Variants in P2RX3 observed in about 807,000 individuals in gnomAD.
P2RX3 encodes the protein purinergic receptor P2X 3.
Under a neutral mutation model 51.5 loss-of-function variants are expected in P2RX3, and 41 were observed. The ratio of observed to expected loss-of-function variants is 0.80; its 90% CI spans 0.62 to 1.03. The LOEUF (loss-of-function observed/expected upper bound fraction) is 1.03. P2RX3 is among the 50% of genes least tolerant of loss of function. The pLI is 0.00. For synonymous variants in P2RX3, 185 were observed against 191.6 expected (o/e 0.97, Z 0.29); for missense variants, 459 against 522.1 (o/e 0.88, Z 1.18).
chr11:57,357,600 A>G (rs1241531044), intron 8 of P2RX3, among the ~76,000 whole-genome samples: 1 of 151,880 alleles, frequency 6.6e-6, no homozygotes. Flanking sequence ...AGGTCCATTG[A>G]TCTTTCCCTA....
intron 8 of P2RX3, among the ~76,000 whole-genome samples, chr11:57,355,334 C>CTTTTTTT (rs1201675322): frequency 3.4e-5 from 4 of 117,342 alleles, no homozygotes; most frequent in Non-Finnish European, 5.4e-5. Flanking sequence ...TATTTTATTT[C>CTTTTTTT]TTTTTTTTTT....
In P2RX3 at chr11:57,347,032, G is replaced by C; in HGVS notation, c.256-84G>C. 3 of 1,370,286 alleles carry C rather than the reference G, an allele frequency of 2.2e-6. No individual in the cohort carries two copies. The South Asian group carries it at 3.7e-5, about 17-fold the overall frequency. The allele number at this position is 1,370,286 out of a possible 1,614,324, so 84.9% of individuals were successfully genotyped here. On this transcript the variant is annotated intron_variant, in intron 2 of 11. Coordinates refer to ENST00000263314, the MANE Select transcript of P2RX3 (RefSeq NM_002559.5). Reference sequence around the variant, plus strand: ...GACACAAGCCTTGCTTTCCTCATCTGTAGAGTGGGGATAATCAGTTATAGT... The same window carrying C: ...GACACAAGCCTTGCTTTCCTCATCTCTAGAGTGGGGATAATCAGTTATAGT...
rs1249814199 is a variant in P2RX3 at position 57,371,622 on chromosome 11, C to G, written c.*1625C>G. Among the ~76,000 whole-genome samples the G allele has an allele frequency of 6.6e-6, 1 of 152,198 alleles. No individual in the cohort carries two copies. The highest frequency in any genetic ancestry group is 2.4e-5 in the African/African-American group (1 of 41,440). The stretch of plus-strand genomic sequence containing the variant: ...GGTAAGACCCACCCCACATAAAGCT[C>G]AACACCCCTTCCCTCACTCTGCCCT... On this transcript the variant is annotated 3_prime_UTR_variant, in exon 12 of 12. Coordinates refer to ENST00000263314, the MANE Select transcript of P2RX3 (RefSeq NM_002559.5).
In P2RX3 at chr11:57,369,910, G is replaced by A. The variant is rs780577495; in HGVS notation, c.1107G>A (p.Ala369=). Residue 369 remains alanine (A), a synonymous_variant, in exon 12 of 12, where the codon GCG becomes GCA. Coordinates refer to ENST00000263314, the MANE Select transcript of P2RX3 (RefSeq NM_002559.5). ...EEVNETTLKI[A]ALTNPVYPSD... is the part of the protein sequence containing the mutation. ...TGAATGAGACTACGCTGAAAATCGCGGCTTTGACCAACCCAGTGTACCCCA... is the reference window on the plus strand; with the variant it reads ...TGAATGAGACTACGCTGAAAATCGCAGCTTTGACCAACCCAGTGTACCCCA... The A allele has an allele frequency of 4.0e-5, 65 of 1,613,852 alleles. No homozygotes were observed. Among genetic ancestry groups the A allele is most frequent in the Middle Eastern group, 1.6e-4 (1 of 6,084 alleles).
intron 10 of P2RX3, among the ~76,000 whole-genome samples, chr11:57,368,842 C>G (rs1462253386): frequency 1.3e-5 from 2 of 152,180 alleles, no homozygotes; most frequent in Non-Finnish European, 2.9e-5. Flanking sequence ...GCAGTCCTCT[C>G]TCTGTGCAGC....
chr11:57,337,274 A>G (rs1856241583), upstream of P2RX3, among the ~76,000 whole-genome samples: 1 of 141,556 alleles, frequency 7.1e-6, no homozygotes, highest in South Asian at 2.5e-4. Flanking sequence ...CCCGGGTGAC[A>G]GAGCGAGACT....
chr11:57,346,710 G>A, intron 2 of P2RX3, 31 bp downstream of exon 2: 4 of 1,610,626 alleles, frequency 2.5e-6, no homozygotes, highest in Non-Finnish European at 3.4e-6. Context: ...GAGGCATGTG[G>A]ATGTCCAGAC....
chr11:57,351,038 AG>A, intron 8 of P2RX3, 140 bp downstream of exon 8: 1 of 1,244,530 alleles, frequency 8.0e-7, no homozygotes, highest in Non-Finnish European at 1.1e-6. Context: ...CAAATCAGGA[AG>A]GACTCTCTAA....
intron 7 of P2RX3, 154 bp from the exon 8 acceptor site, chr11:57,350,606 GTA>G (rs1278322403): frequency 1.0e-6 from 1 of 991,680 alleles, no homozygotes; most frequent in African/African-American, 1.6e-5. Context: ...TTACTGAGCA[GTA>G]TATGACATGT....
intron 7 of P2RX3, chr11:57,350,182 C>G (rs766059664): frequency 9.3e-5 from 43 of 461,102 alleles, no homozygotes; most frequent in Non-Finnish European, 1.3e-4. Flanking sequence ...CTGTAATAAG[C>G]CCCAAACGAC....
Position 57,370,267 on chromosome 11 carries a change from A to G in P2RX3, c.*270A>G. The G allele has an allele frequency of 2.1e-6, 1 of 472,260 alleles. No homozygotes were observed. 29.3% of individuals were successfully genotyped at this position (472,260 alleles called of 1,614,324 possible). ...GGAGCACCTGAGCCATCCCCTTCCC[A>G]AAGAGTAGAGATTATAATGTAGGAC... On this transcript the variant is annotated 3_prime_UTR_variant, in exon 12 of 12. Transcript: ENST00000263314.
chr11:57,344,647 C>G (rs1320692197), intron 1 of P2RX3, among the ~76,000 whole-genome samples: 4 of 152,032 alleles, frequency 2.6e-5, no homozygotes, highest in Non-Finnish European at 1.5e-5. Context: ...TGCAGTGAGC[C>G]GAGATGGCGC....
chr11:57,369,481 G>A (rs777468963), intron 11 of P2RX3, 43 bp downstream of exon 11: 6 of 1,561,584 alleles, frequency 3.8e-6, no homozygotes, highest in Admixed American at 3.7e-5. Flanking sequence ...GGGAGAGGGG[G>A]CAGGGCAGGC....
intron 10 of P2RX3, 50 bp from the exon 11 acceptor site, chr11:57,369,311 C>T: frequency 6.4e-7 from 1 of 1,562,954 alleles, no homozygotes; most frequent in African/African-American, 1.4e-5. Flanking sequence ...ACCCTGATCC[C>T]ACCCAACCCA....
At chr11:57,363,422 T>C (rs1482326281) in intron 8 of P2RX3, among the ~76,000 whole-genome samples, 4 of 152,134 alleles carry the variant, frequency 2.6e-5, no homozygotes, top group Non-Finnish European at 5.9e-5. Context: ...GGGAGCGCCA[T>C]GCAGTCATTC....
chr11:57,352,399 A>T (rs1305760892), intron 8 of P2RX3, among the ~76,000 whole-genome samples: 1 of 152,216 alleles, frequency 6.6e-6, no homozygotes, highest in Admixed American at 6.5e-5. Flanking sequence ...AGAAATTGGC[A>T]TATTTATTCA....
In P2RX3 at chr11:57,346,648, T is replaced by C; in HGVS notation, c.224T>C (p.Met75Thr). The C allele has an allele frequency of 6.2e-7, 1 of 1,614,126 alleles. No homozygotes were observed. The highest frequency in any genetic ancestry group is 8.5e-7 in the Non-Finnish European group (1 of 1,180,034). Residue 75 changes from methionine (M) to threonine (T), a missense_variant, in exon 2 of 12, where the codon ATG becomes ACG. Coordinates refer to ENST00000263314, the MANE Select transcript of P2RX3 (RefSeq NM_002559.5). ...TCCGGACTCTACGCCAACAGAGTCA[T>C]GGATGTGTCTGATTACGTGACGCCA... ...KGSGLYANRV[M>T]DVSDYVTPPQ...
intron 8 of P2RX3, among the ~76,000 whole-genome samples, chr11:57,355,738 C>G (rs935429552): frequency 6.6e-6 from 1 of 152,246 alleles, no homozygotes; most frequent in African/African-American, 2.4e-5. Context: ...GGGAAGTCCC[C>G]TTCATTCCCC....
intron 8 of P2RX3, among the ~76,000 whole-genome samples, chr11:57,351,178 G>A (rs1302387881): frequency 1.3e-5 from 2 of 152,190 alleles, no homozygotes; most frequent in Admixed American, 1.3e-4. Flanking sequence ...AAATGCTAGG[G>A]TTCTGCGATT....
Sources: gnomAD v4.1 joint callset for allele counts (sites outside exome capture counted in the v4.1 genomes callset) on GRCh38, gnomAD v4.1.1 for gene constraint, MANE v1.5 for transcripts, NCBI Gene and HGNC (gene_info 2026-07-23, HGNC 2026-07-21) for gene names.